Variants in PCNX2 observed in about 807,000 individuals in gnomAD.
The protein encoded by PCNX2 is pecanex-like protein 2.
Under a neutral mutation model 223.8 loss-of-function variants are expected in PCNX2, and 168 were observed. That is an observed-to-expected ratio of 0.75 (90% CI 0.66 to 0.85). PCNX2 has a LOEUF of 0.85. PCNX2 is among the 40% of genes least tolerant of loss of function. The pLI is 0.00. For synonymous variants in PCNX2, 1,006 were observed against 1,052.6 expected, an observed-to-expected ratio of 0.96 and a Z score of 0.86; for missense variants, 2,507 against 2,675.5, an observed-to-expected ratio of 0.94 and a Z score of 1.39.
At chr1:233,283,213 G>T (rs553736388) in intron 1 of PCNX2, among the ~76,000 whole-genome samples, 95 of 152,192 alleles carry the variant, frequency 6.2e-4, no homozygotes, top group African/African-American at 2.2e-3. Flanking sequence ...GAGAGAAAGA[G>T]TCCTTTGATA....
chr1:233,261,541 A>T (rs896084871), intron 3 of PCNX2, among the ~76,000 whole-genome samples: 1 of 152,208 alleles, frequency 6.6e-6, no homozygotes, highest in Non-Finnish European at 1.5e-5. Context: ...TACTGTGACA[A>T]AGGGAGATTT....
intron 17 of PCNX2, among the ~76,000 whole-genome samples, chr1:233,174,979 A>G (rs1679388186): frequency 6.6e-6 from 1 of 152,174 alleles, no homozygotes; most frequent in Non-Finnish European, 1.5e-5. Context: ...CATTCTTGTT[A>G]AAATGAAGAT....
chr1:233,306,512 C>T, the PCNX2 span, among the ~76,000 whole-genome samples: 1 of 152,148 alleles, frequency 6.6e-6, no homozygotes, highest in Admixed American at 6.5e-5. Flanking sequence ...ATTACTTAAT[C>T]AATCTATCTG....
intron 21 of PCNX2, among the ~76,000 whole-genome samples, chr1:233,106,074 T>C (rs1407613554): frequency 6.6e-6 from 1 of 152,142 alleles, no homozygotes; most frequent in Non-Finnish European, 1.5e-5. Context: ...AAACAGGAGA[T>C]AATGACAGTG....
At chr1:233,259,915 T>C (rs1659960608) in intron 4 of PCNX2, 5 of 674,294 alleles carry the variant, frequency 7.4e-6, no homozygotes, top group Non-Finnish European at 9.1e-6. Context: ...AACAACTATA[T>C]ATATAGCATT....
At chr1:233,154,904 A>C (rs138266361) in intron 19 of PCNX2, among the ~76,000 whole-genome samples, 233 of 152,126 alleles carry the variant, frequency 1.5e-3, no homozygotes, top group African/African-American at 5.3e-3. Flanking sequence ...CCCTGTCTCT[A>C]CTAAAAGTAC....
chr1:233,203,015 T>C (rs75216903), intron 13 of PCNX2, among the ~76,000 whole-genome samples: 2,022 of 152,328 alleles, frequency 0.013, 22 homozygotes, highest in South Asian at 0.038. Flanking sequence ...ACCCATCTTC[T>C]ATCTGCTGGA....
rs566603853 is a variant in PCNX2, at chr1:233,295,544, G to A, written c.-66C>T. On this transcript the variant is annotated 5_prime_UTR_variant, in exon 1 of 34. Coordinates refer to ENST00000258229, the MANE Select transcript of PCNX2 (RefSeq NM_014801.4). This position sits in a 1 kb window ranked among gnomAD's most constrained non-coding sequence, Gnocchi z 4.1. ...CTGCGCGCCCCGGCCGGATCTCCAG[G>A]CTCCCTCAGGTCTAACACCCGGGCC... 3 of 1,445,082 alleles carry A rather than the reference G, an allele frequency of 2.1e-6. No homozygotes were observed. Among genetic ancestry groups the A allele is most frequent in the African/African-American group, 2.9e-5 (2 of 67,932 alleles). The allele number at this position is 1,445,082 out of a possible 1,614,324, so 89.5% of individuals were successfully genotyped here.
chr1:233,118,491 C>CAAAAAAAAA (rs35378781), intron 21 of PCNX2, among the ~76,000 whole-genome samples: 1 of 94,440 alleles, frequency 1.1e-5, no homozygotes, highest in Non-Finnish European at 2.1e-5. Flanking sequence ...AAGGCACCTA[C>CAAAAAAAAA]AAAAAAAAAA....
chr1:233,191,410 A>G (rs1163776700), intron 15 of PCNX2, among the ~76,000 whole-genome samples: 1 of 152,208 alleles, frequency 6.6e-6, no homozygotes, highest in African/African-American at 2.4e-5. Flanking sequence ...GCTGTTTGCT[A>G]TTCAGGGTTG....
intron 1 of PCNX2, among the ~76,000 whole-genome samples, chr1:233,280,666 G>C (rs1661146839): frequency 6.6e-6 from 1 of 152,102 alleles, no homozygotes; most frequent in Non-Finnish European, 1.5e-5. Flanking sequence ...GATGAGGCCA[G>C]GTCTGTCTTA....
Position 232,986,251 on chromosome 1 carries a change from G to A in PCNX2, c.6081C>T (p.Ser2027=), listed in dbSNP as rs1410172991. 1 of 1,560,380 alleles carries A rather than the reference G, an allele frequency of 6.4e-7. No individual in the cohort carries two copies. Among genetic ancestry groups the A allele is most frequent in the African/African-American group, 1.4e-5 (1 of 73,570 alleles). Residue 2027 remains serine (S), a synonymous_variant, in exon 33 of 34, where the codon TCC becomes TCT. Transcript: ENST00000258229. ...TCTTGCCGAAGAGGAAGCTCAGGGT[G>A]GAGCTGGTGGAGGAGCCCAGGCTGG... ...IRSSLGSSTS[S]TLSFLFGKRS... is the part of the protein sequence containing the mutation.
intron 17 of PCNX2, among the ~76,000 whole-genome samples, chr1:233,164,634 T>C (rs906409483): frequency 1.2e-4 from 3 of 24,852 alleles, no homozygotes; most frequent in African/African-American, 3.7e-4. Context: ...ATATCATATA[T>C]AGAAAATATA....
intron 1 of PCNX2, among the ~76,000 whole-genome samples, chr1:233,288,458 A>G (rs1259962781): frequency 6.6e-6 from 1 of 152,224 alleles, no homozygotes; most frequent in African/African-American, 2.4e-5. Flanking sequence ...CAGAATGGAA[A>G]GAAAAAACAA....
chr1:233,181,548 G>C (rs1679803773), intron 15 of PCNX2, among the ~76,000 whole-genome samples: 1 of 152,152 alleles, frequency 6.6e-6, no homozygotes, highest in South Asian at 2.1e-4. Flanking sequence ...CCTTGATCCA[G>C]TTGCCCTTGA....
chr1:233,215,127 G>A (rs532782822), intron 12 of PCNX2, among the ~76,000 whole-genome samples: 86 of 152,198 alleles, frequency 5.7e-4, no homozygotes, highest in African/African-American at 1.9e-3. Context: ...CTTGAGAATC[G>A]TCTCTGTGTC....
chr1:233,046,048 G>C (rs994085055), intron 25 of PCNX2, among the ~76,000 whole-genome samples: 1 of 152,238 alleles, frequency 6.6e-6, no homozygotes, highest in African/African-American at 2.4e-5. Context: ...TGACACAAAT[G>C]CATCCCTTTC....
chr1:233,218,421 T>TG (rs61011532), intron 10 of PCNX2, among the ~76,000 whole-genome samples: 50,426 of 151,344 alleles, frequency 0.33, 10,683 homozygotes, highest in African/African-American at 0.57. Flanking sequence ...GCTAATTTTT[T>TG]TATTTTTTTT....
upstream of PCNX2, among the ~76,000 whole-genome samples, chr1:233,300,079 T>G (rs559762498): frequency 2.0e-5 from 3 of 151,994 alleles, no homozygotes; most frequent in Non-Finnish European, 4.4e-5. Context: ...GCTGATGCTA[T>G]TCCCTCAGCA....
Sources: gnomAD v4.1 joint callset for allele counts (sites outside exome capture counted in the v4.1 genomes callset) on GRCh38, gnomAD v4.1.1 for gene constraint, Gnocchi (gnomAD v3.1) non-coding constraint, MANE v1.5 for transcripts, NCBI Gene and HGNC (gene_info 2026-07-23, HGNC 2026-07-21) for gene names.